The following B4GALNT3 variants were observed in gnomAD, a reference collection of about 807,000 sequenced individuals.
B4GALNT3 encodes the protein beta-1,4-N-acetyl-galactosaminyltransferase 3.
Under a neutral mutation model 120.2 loss-of-function variants are expected in B4GALNT3, and 86 were observed. That is an observed-to-expected ratio of 0.72 (90% CI 0.60 to 0.86). B4GALNT3 has a LOEUF of 0.86. B4GALNT3 is among the 40% of genes least tolerant of loss of function. The probability of loss-of-function intolerance (pLI) is 0.00; values close to 1 mark genes in which losing one functional copy is unlikely to be tolerated. For synonymous variants in B4GALNT3, 518 were observed against 510.4 expected, an observed-to-expected ratio of 1.01 and a Z score of -0.20; for missense variants, 1,167 against 1,298.9, an observed-to-expected ratio of 0.90 and a Z score of 1.56.
intron 1 of B4GALNT3, among the ~76,000 whole-genome samples, chr12:509,706 A>G (rs1278240292): frequency 6.6e-6 from 1 of 152,064 alleles, no homozygotes; most frequent in Admixed American, 6.5e-5. Flanking sequence ...GACTGTCAGG[A>G]GGGATGCCTC....
At chr12:529,232 C>T (rs1946784256) in intron 1 of B4GALNT3, among the ~76,000 whole-genome samples, 1 of 152,206 alleles carries the variant, frequency 6.6e-6, no homozygotes, top group Admixed American at 6.5e-5. Flanking sequence ...CCACTGCTTC[C>T]ACTTCTTTCT....
At chr12:464,630 TAA>T (rs35653120) in intron 1 of B4GALNT3, among the ~76,000 whole-genome samples, 2 of 147,664 alleles carry the variant, frequency 1.4e-5, no homozygotes, top group African/African-American at 5.0e-5. Context: ...AGACTCTACT[TAA>T]AAAAAAAAAA....
chr12:484,693 G>A (rs215228), intron 1 of B4GALNT3, among the ~76,000 whole-genome samples: 3 of 151,716 alleles, frequency 2.0e-5, no homozygotes, highest in Non-Finnish European at 2.9e-5. Context: ...CCTGGATGCC[G>A]CCTGGCCCCA....
intron 1 of B4GALNT3, among the ~76,000 whole-genome samples, chr12:461,951 CG>C (rs1430385130): frequency 6.6e-6 from 1 of 152,100 alleles, no homozygotes; most frequent in East Asian, 1.9e-4. Context: ...AGTCTGGATA[CG>C]AAGACTGATC....
chr12:531,878 A>G (rs1279321983), intron 1 of B4GALNT3, among the ~76,000 whole-genome samples: 2 of 152,122 alleles, frequency 1.3e-5, no homozygotes, highest in African/African-American at 4.8e-5. Flanking sequence ...CACCATTCAG[A>G]TGAAGAAACC....
chr12:543,031 T>C (rs1026831171), intron 3 of B4GALNT3: 4 of 1,120,940 alleles, frequency 3.6e-6, no homozygotes, highest in African/African-American at 1.6e-5. Context: ...AGCCGGCTCC[T>C]CCTAGTTCCC....
At position 548,978 on chromosome 12, in the gene B4GALNT3, G is replaced by T. The variant is rs1947042784; in HGVS notation, c.853+681G>T. On this transcript the variant is annotated intron_variant, in intron 9 of 19. Coordinates refer to ENST00000266383, the MANE Select transcript of B4GALNT3 (RefSeq NM_173593.4). The surrounding 1 kb of genome is among the most constrained non-coding windows in gnomAD (Gnocchi z 4.9). ...CTATTTTCCAGATGAGGTAACCACG[G>T]TTCTTGCAAAGCCATGGCCAGGGCA... Among the ~76,000 whole-genome samples, 1 of 152,316 alleles carries T rather than the reference G, an allele frequency of 6.6e-6. No individual in the cohort carries two copies. The highest frequency in any genetic ancestry group is 2.1e-4 in the South Asian group (1 of 4,826).
intron 1 of B4GALNT3, among the ~76,000 whole-genome samples, chr12:471,184 T>G (rs1565587129): frequency 6.7e-6 from 1 of 149,576 alleles, no homozygotes; most frequent in Non-Finnish European, 1.5e-5. Flanking sequence ...GTCAGGAGTT[T>G]GAGATCAGCC....
intron 19 of B4GALNT3, among the ~76,000 whole-genome samples, chr12:560,952 G>A (rs181795141): frequency 2.3e-3 from 343 of 152,310 alleles, no homozygotes; most frequent in African/African-American, 5.2e-3. Context: ...GAGGCTGGGC[G>A]CCAGTTATGG....
At chr12:480,744 G>T (rs1044829994) in intron 1 of B4GALNT3, among the ~76,000 whole-genome samples, 1 of 152,168 alleles carries the variant, frequency 6.6e-6, no homozygotes, top group Admixed American at 6.5e-5. Context: ...TCCATAGGCG[G>T]GGGCTGTGAG....
chr12:503,639 C>T (rs568502753), intron 1 of B4GALNT3, among the ~76,000 whole-genome samples: 2 of 152,200 alleles, frequency 1.3e-5, no homozygotes, highest in African/African-American at 4.8e-5. Flanking sequence ...GCACTCCTAA[C>T]AGCCAAGCCC....
intron 1 of B4GALNT3, among the ~76,000 whole-genome samples, chr12:516,133 G>A (rs578177324): frequency 3.4e-5 from 5 of 148,246 alleles, no homozygotes; most frequent in African/African-American, 1.0e-4. Flanking sequence ...GCGACAGAGC[G>A]AGACTCCGTC....
intron 1 of B4GALNT3, among the ~76,000 whole-genome samples, chr12:514,972 C>T (rs980134642): frequency 6.6e-6 from 1 of 151,924 alleles, no homozygotes. Flanking sequence ...GAGTCGAGAT[C>T]GCACCACTGC....
intron 1 of B4GALNT3, among the ~76,000 whole-genome samples, chr12:497,587 T>C (rs760489468): frequency 3.9e-5 from 6 of 152,238 alleles, no homozygotes; most frequent in Non-Finnish European, 8.8e-5. Flanking sequence ...GGTGTACAAA[T>C]ATTTGTTTGA....
chr12:552,646 G>C, intron 13 of B4GALNT3, 118 bp downstream of exon 13: 1 of 922,390 alleles, frequency 1.1e-6, no homozygotes, highest in Non-Finnish European at 1.7e-6. Flanking sequence ...TCCAAATCAC[G>C]TGACCTCTCC....
At chr12:509,956 G>A (rs1001393486) in intron 1 of B4GALNT3, among the ~76,000 whole-genome samples, 7 of 152,168 alleles carry the variant, frequency 4.6e-5, no homozygotes, top group East Asian at 1.9e-4. Flanking sequence ...TCGCCCCTAC[G>A]AGACCTGCTG....
intron 1 of B4GALNT3, among the ~76,000 whole-genome samples, chr12:505,474 C>G (rs1338452817): frequency 1.3e-5 from 2 of 152,214 alleles, no homozygotes; most frequent in African/African-American, 4.8e-5. Context: ...TCTGCCCAGC[C>G]ATTTGAACCC....
intron 1 of B4GALNT3, among the ~76,000 whole-genome samples, chr12:503,784 A>T (rs980732651): frequency 6.6e-6 from 1 of 152,208 alleles, no homozygotes; most frequent in Admixed American, 6.5e-5. Context: ...ACCTGGCAGC[A>T]TTTGACACTG....
intron 1 of B4GALNT3, among the ~76,000 whole-genome samples, chr12:465,827 G>C (rs1946072673): frequency 1.4e-5 from 2 of 147,472 alleles, no homozygotes; most frequent in African/African-American, 5.0e-5. Flanking sequence ...GCCACTCCCT[G>C]TCCTGGGAGT....
Sources: gnomAD v4.1 joint callset for allele counts (sites outside exome capture counted in the v4.1 genomes callset) on GRCh38, gnomAD v4.1.1 for gene constraint, Gnocchi (gnomAD v3.1) non-coding constraint, MANE v1.5 for transcripts, NCBI Gene and HGNC (gene_info 2026-07-23, HGNC 2026-07-21) for gene names.